FRAS1: variants seen among roughly 807,000 people sequenced by gnomAD.
FRAS1 encodes Fraser extracellular matrix complex subunit 1.
In FRAS1, 290 loss-of-function variants were observed where a neutral mutation model predicts 435.2. That is an observed-to-expected ratio of 0.67 (90% CI 0.61 to 0.73). FRAS1 has a LOEUF of 0.73. Ranked by LOEUF, FRAS1 falls within the 30% of genes least tolerant of loss-of-function variation. The pLI, the probability that FRAS1 is intolerant of heterozygous loss-of-function variation, is 0.00. For synonymous variants in FRAS1, 1,800 were observed against 1,851.0 expected (o/e 0.97, Z 0.71); for missense variants, 4,860 against 5,001.5 (o/e 0.97, Z 0.85).
chr4:78,117,281 A>G (rs1718653539), intron 2 of FRAS1, among the ~76,000 whole-genome samples: 1 of 152,016 alleles, frequency 6.6e-6, no homozygotes, highest in African/African-American at 2.4e-5. Flanking sequence ...CCTTCATTTC[A>G]ACTTTGGTGA....
intron 2 of FRAS1, among the ~76,000 whole-genome samples, chr4:78,141,633 T>C (rs1258790439): frequency 1.3e-5 from 2 of 152,110 alleles, no homozygotes; most frequent in East Asian, 3.9e-4. Flanking sequence ...ATGGGGCTGA[T>C]GGAGGATCAT....
chr4:78,324,194 A>G (rs1186696236), intron 18 of FRAS1, among the ~76,000 whole-genome samples: 3 of 138,140 alleles, frequency 2.2e-5, no homozygotes, highest in African/African-American at 8.0e-5. Context: ...TAAATAAGGG[A>G]AAAAGAAAAA....
chr4:78,531,558 G>A (rs1721716524), intron 70 of FRAS1, among the ~76,000 whole-genome samples: 1 of 152,128 alleles, frequency 6.6e-6, no homozygotes, highest in African/African-American at 2.4e-5. Flanking sequence ...AAGGGCTGTT[G>A]TATTTTATCG....
chr4:78,073,121 G>A (rs1740445024), intron 2 of FRAS1, among the ~76,000 whole-genome samples: 1 of 152,078 alleles, frequency 6.6e-6, no homozygotes, highest in Admixed American at 6.6e-5. Flanking sequence ...GTGAGAATTG[G>A]GCTCTAGCTG....
intron 2 of FRAS1, among the ~76,000 whole-genome samples, chr4:78,080,977 C>G (rs1302009535): frequency 6.6e-6 from 1 of 152,136 alleles, no homozygotes; most frequent in Non-Finnish European, 1.5e-5. Flanking sequence ...ATCTGTCTGT[C>G]ACAGAAAGCT....
At chr4:78,305,002 GC>G (rs1728634344) in intron 14 of FRAS1, among the ~76,000 whole-genome samples, 1 of 152,182 alleles carries the variant, frequency 6.6e-6, no homozygotes, top group African/African-American at 2.4e-5. Flanking sequence ...GGCATTTAGT[GC>G]TGTAAATTTC....
At chr4:78,274,044 A>C (rs1041897764) in intron 9 of FRAS1, among the ~76,000 whole-genome samples, 1 of 152,058 alleles carries the variant, frequency 6.6e-6, no homozygotes. Flanking sequence ...TAGTCTTGGG[A>C]GGGTGTATGT....
intron 56 of FRAS1, among the ~76,000 whole-genome samples, chr4:78,480,631 T>C (rs1410166771): frequency 6.6e-6 from 1 of 152,222 alleles, no homozygotes. Flanking sequence ...AACTTTCTCA[T>C]TCATGTAAGA....
At chr4:78,130,011 T>A (rs1297356597) in intron 2 of FRAS1, among the ~76,000 whole-genome samples, 2 of 152,216 alleles carry the variant, frequency 1.3e-5, no homozygotes, top group African/African-American at 4.8e-5. Flanking sequence ...GGCCTGCTCA[T>A]CCTTACTGTG....
At chr4:78,540,472 T>A (rs1396024251) in intron 73 of FRAS1, 59 bp from the exon 74 acceptor site, 2 of 1,122,942 alleles carry the variant, frequency 1.8e-6, no homozygotes, top group South Asian at 4.3e-5. Context: ...TCCTTCCATT[T>A]CCTTTCTTCA....
intron 37 of FRAS1, among the ~76,000 whole-genome samples, chr4:78,431,735 A>G (rs1734229179): frequency 6.6e-6 from 1 of 152,178 alleles, no homozygotes; most frequent in Admixed American, 6.5e-5. Context: ...TATAAAAAAT[A>G]TCTTAAATTT....
intron 2 of FRAS1, among the ~76,000 whole-genome samples, chr4:78,105,040 T>A (rs530496853): frequency 1.2e-4 from 19 of 152,348 alleles, no homozygotes; most frequent in African/African-American, 4.6e-4. Flanking sequence ...TCCAGGGTTT[T>A]CCTTCCTTTA....
intron 20 of FRAS1, among the ~76,000 whole-genome samples, chr4:78,360,026 C>A (rs1373486495): frequency 6.6e-6 from 1 of 152,190 alleles, no homozygotes; most frequent in East Asian, 1.9e-4. Context: ...GCCAAACCGC[C>A]ATGTCTGGTT....
chr4:78,432,308 G>A (rs1335053093), intron 37 of FRAS1, 49 bp from the exon 38 acceptor site: 1 of 1,524,964 alleles, frequency 6.6e-7, no homozygotes, highest in Middle Eastern at 1.7e-4. Context: ...ATAATGAAAA[G>A]CATTATTCCC....
chr4:78,540,936 A>G lies in FRAS1; in HGVS notation c.11851A>G (p.Lys3951Glu). 6.2e-7 allele frequency: 1 copy of G among 1,613,928 alleles called. No homozygotes were observed. Among genetic ancestry groups the G allele is most frequent in the Non-Finnish European group, 8.5e-7 (1 of 1,179,876 alleles). ...TTTGGAAGAATATCCTCTGAATACCAAGGTAGAAGTGCCCAAGAGGCACCC... is the reference window on the plus strand; with the variant it reads ...TTTGGAAGAATATCCTCTGAATACCGAGGTAGAAGTGCCCAAGAGGCACCC... ...DILEEYPLNT[K>E]VEVPKRHPDR... The change falls in exon 74 of 74, where the codon AAG (lysine) becomes GAG (glutamate). Residue 3951 changes from lysine (K) to glutamate (E), a missense_variant. Physicochemically the swap from Lys to Glu is moderately conservative, Grantham distance 56. Transcript: ENST00000512123.
At chr4:78,145,602 T>C (rs1720384255) in intron 2 of FRAS1, among the ~76,000 whole-genome samples, 1 of 152,168 alleles carries the variant, frequency 6.6e-6, no homozygotes. Context: ...TACATACACA[T>C]AGCCTCAATG....
At chr4:78,473,311 T>C in intron 52 of FRAS1, 127 bp from the exon 53 acceptor site, 2 of 665,058 alleles carry the variant, frequency 3.0e-6, no homozygotes, top group Middle Eastern at 2.6e-4. Flanking sequence ...ACTATACTTT[T>C]GGTGCTTGGA....
At chr4:78,490,814 T>G (rs1016782561) in intron 59 of FRAS1, among the ~76,000 whole-genome samples, 6 of 150,230 alleles carry the variant, frequency 4.0e-5, no homozygotes, top group African/African-American at 1.5e-4. Flanking sequence ...AGAACAGAAC[T>G]GAAGGAGATA....
rs3086823 is a variant in FRAS1 at position 78,429,046 on chromosome 4, C to CTGTGTGTGTG, written c.4712-41_4712-32dup. On this transcript the variant is annotated intron_variant, in intron 35 of 73. Transcript: ENST00000512123. ...GATTCGTGTGTGTGTGTGCGTGTCT[C>CTGTGTGTGTG]TGTGTGTGTGTGTGTGTCTCTGTGT... 2,743 of 1,392,698 alleles carry CTGTGTGTGTG rather than the reference C, an allele frequency of 2.0e-3. 6 individuals carry two copies. In the Middle Eastern group the frequency reaches 0.025, roughly 13 times the overall value. 86.3% of individuals were successfully genotyped at this position (1,392,698 alleles called of 1,614,324 possible). A position where few individuals can be genotyped will look rare whatever the true frequency, so the allele number is the denominator to read the frequency against.
Sources: allele counts gnomAD v4.1 joint callset (sites outside exome capture counted in the v4.1 genomes callset), GRCh38; gene constraint gnomAD v4.1.1; transcripts MANE v1.5; gene names NCBI Gene and HGNC (gene_info 2026-07-23, HGNC 2026-07-21).